The following POU3F4 variants were observed in gnomAD, a reference collection of about 807,000 sequenced individuals.
POU3F4 encodes POU class 3 homeobox 4, also known as POU domain, class 3, transcription factor 4.
A neutral mutation model predicts 15.2 loss-of-function variants in POU3F4; 2 were observed. That is an observed-to-expected ratio of 0.13 (90% confidence interval 0.05 to 0.42). The LOEUF (loss-of-function observed/expected upper bound fraction) is 0.42. Ranked by LOEUF, POU3F4 falls within the 10% of genes least tolerant of loss-of-function variation. The probability of loss-of-function intolerance (pLI) is 0.99; values close to 1 mark genes in which losing one functional copy is unlikely to be tolerated. For missense variants in POU3F4, 220 were observed against 297.0 expected (o/e 0.74, Z 1.91); for synonymous variants, 158 against 133.3 (o/e 1.19, Z -1.28).
chrX:83,509,468 C>T lies in POU3F4; in HGVS notation c.*58C>T. On this transcript the variant is annotated 3_prime_UTR_variant, in exon 1 of 1. Transcript: ENST00000644024. ...GGGAGCAGCGCGGATTTCTCTTTCT[C>T]TCTCACTCTCTTCCTTTCATTCTAG... 1 of 1,161,003 alleles carries T rather than the reference C, an allele frequency of 8.6e-7. No homozygotes were observed. The highest frequency in any genetic ancestry group is 1.2e-6 in the Non-Finnish European group (1 of 865,244).
Position 83,509,086 on chromosome X carries a change from G to A in POU3F4, c.762G>A (p.Lys254=), listed in dbSNP as rs767970736. Residue 254 remains lysine (K), a synonymous_variant, in exon 1 of 1, where the codon AAG becomes AAA. Coordinates refer to ENST00000644024, the MANE Select transcript of POU3F4 (RefSeq NM_000307.5). ...GCAAGCTGAAGCCCCTGCTGAACAA[G>A]TGGCTGGAGGAGGCGGATTCGTCCA... ...NMCKLKPLLN[K]WLEEADSSTG... 1 of 1,212,082 alleles carries A rather than the reference G, an allele frequency of 8.3e-7. No homozygotes were observed. The highest frequency in any genetic ancestry group is 3.0e-5 in the East Asian group (1 of 33,823).
Position 83,509,263 on chromosome X carries a change from C to T in POU3F4, c.939C>T (p.Asp313=), listed in dbSNP as rs1287742985. ...CGCAGGAGATCTCCTCGCTGGCAGA[C>T]AGCCTCCAGTTGGAGAAGGAAGTGG... ...PAAQEISSLA[D]SLQLEKEVVR... is the part of the protein sequence containing the mutation. The change falls in exon 1 of 1, where the codon GAC becomes GAT. Residue 313 remains aspartate (D), a synonymous_variant. Transcript: ENST00000644024. The T allele has an allele frequency of 5.8e-6, 7 of 1,210,623 alleles. No homozygotes were observed. The highest frequency in any genetic ancestry group is 7.8e-6 in the Non-Finnish European group (7 of 895,283).
Position 83,508,795 on chromosome X carries a change from C to T in POU3F4, c.471C>T (p.Ala157=), listed in dbSNP as rs1925839839. ...GACTCACCCCACCTCCAGCTGCCGC[C>T]TCTGCACAGAGCCTGCACCCGGTGC... ...HGGLTPPPAA[A]SAQSLHPVLR... Residue 157 remains alanine (A), a synonymous_variant, in exon 1 of 1, where the codon GCC becomes GCT. Transcript: ENST00000644024. 5.8e-6 allele frequency: 7 copies of T among 1,204,835 alleles called. No homozygotes were observed. The highest frequency in any genetic ancestry group is 1.8e-5 in the South Asian group (1 of 55,955).
In POU3F4 at chrX:83,508,342, G is replaced by C. The variant is rs750598848; in HGVS notation, c.18G>C (p.Ser6=). 1 of 1,212,108 alleles carries C rather than the reference G, an allele frequency of 8.3e-7. No individual in the cohort carries two copies. Among genetic ancestry groups the C allele is most frequent in the Non-Finnish European group, 1.1e-6 (1 of 895,569 alleles). Residue 6 remains serine (S), a synonymous_variant, in exon 1 of 1, where the codon TCG becomes TCC. Transcript: ENST00000644024. MATAA[S]NPYSILSSTS... ...CACCGACCATGGCCACAGCTGCCTC[G>C]AATCCCTACAGCATTCTCAGTTCCA...
At position 83,508,392 on chromosome X, in the gene POU3F4, C is replaced by T. The variant is rs779536644; in HGVS notation, c.68C>T (p.Ala23Val). ...SSTSLVHADS[A>V]GMQQGSPFRN... is the part of the protein sequence containing the mutation. ...ACCTCCCTAGTCCATGCGGACTCTGCGGGCATGCAGCAGGGGAGTCCTTTC... is the reference window on the plus strand; with the variant it reads ...ACCTCCCTAGTCCATGCGGACTCTGTGGGCATGCAGCAGGGGAGTCCTTTC... Residue 23 changes from alanine (A) to valine (V), a missense_variant, in exon 1 of 1, where the codon GCG becomes GTG. Ala to Val is a moderately conservative substitution (Grantham distance 64, BLOSUM62 0). Transcript: ENST00000644024. 4 of 1,211,907 alleles carry T rather than the reference C, an allele frequency of 3.3e-6. No individual in the cohort carries two copies. The highest frequency in any genetic ancestry group is 3.0e-5 in the East Asian group (1 of 33,838).
rs769666063 is a variant in POU3F4, at chrX:83,509,194, G to A, written c.870G>A (p.Lys290=). The change falls in exon 1 of 1, where the codon AAG becomes AAA. Residue 290 remains lysine (K), a synonymous_variant. Coordinates refer to ENST00000644024, the MANE Select transcript of POU3F4 (RefSeq NM_000307.5). ...GGACCTCCATCGAGGTGAGTGTCAAGGGCGTACTGGAGACGCATTTCCTCA... is the reference window on the plus strand; with the variant it reads ...GGACCTCCATCGAGGTGAGTGTCAAAGGCGTACTGGAGACGCATTTCCTCA... ...KKRTSIEVSV[K]GVLETHFLKC... is the part of the protein sequence containing the mutation. 1.7e-6 allele frequency: 2 copies of A among 1,210,218 alleles called. No homozygotes were observed. Among genetic ancestry groups the A allele is most frequent in the African/African-American group, 3.5e-5 (2 of 57,349 alleles).
At position 83,509,551 on chromosome X, in the gene POU3F4, T is replaced by C. The variant is rs368408951; in HGVS notation, c.*141T>C. ...GCTCGCTCTCTCGTACTCTCTCTCT[T>C]TTCCCTCCTTTCCTTTTTCTTTCCT... On this transcript the variant is annotated 3_prime_UTR_variant, in exon 1 of 1. Transcript: ENST00000644024. 5.5e-4 allele frequency: 456 copies of C among 824,046 alleles called. 6 individuals are homozygous for C. In the South Asian group the frequency reaches 0.012, roughly 22 times the overall value. The allele number at this position is 824,046 out of a possible 1,213,427, so 67.9% of individuals were successfully genotyped here.
Position 83,509,434 on chromosome X carries a change from G to T in POU3F4, c.*24G>T. ...GACTGGAGGAAGCGAGGAGGCGGCC[G>T]GCCGCACTGGGAGCAGCGCGGATTT... On this transcript the variant is annotated 3_prime_UTR_variant, in exon 1 of 1. Coordinates refer to ENST00000644024, the MANE Select transcript of POU3F4 (RefSeq NM_000307.5). 8.4e-7 allele frequency: 1 copy of T among 1,184,962 alleles called. No individual in the cohort carries two copies. The highest frequency in any genetic ancestry group is 1.1e-6 in the Non-Finnish European group (1 of 881,552).
At position 83,509,224 on chromosome X, in the gene POU3F4, T is replaced by C. The variant is rs772596392; in HGVS notation, c.900T>C (p.Cys300=). Residue 300 remains cysteine, a synonymous_variant, in exon 1 of 1, where the codon TGT becomes TGC. Coordinates refer to ENST00000644024, the MANE Select transcript of POU3F4 (RefSeq NM_000307.5). Reference sequence around the variant, plus strand: ...TACTGGAGACGCATTTCCTCAAGTGTCCCAAGCCTGCCGCGCAGGAGATCT... The same window carrying C: ...TACTGGAGACGCATTTCCTCAAGTGCCCCAAGCCTGCCGCGCAGGAGATCT... ...KGVLETHFLK[C]PKPAAQEISS... is the part of the protein sequence containing the mutation. 1 of 1,211,290 alleles carries C rather than the reference T, an allele frequency of 8.3e-7. No individual in the cohort carries two copies. The highest frequency in any genetic ancestry group is 1.8e-5 in the South Asian group (1 of 56,853).
rs1925913051 is a variant in POU3F4, at chrX:83,511,514, C to T, written c.*2104C>T. Reference sequence around the variant, plus strand: ...TGCGTTAGTATGAGTTGCCAGGCCTCTGGTCCACCACACTGTGTCTCCCTC... The same window carrying T: ...TGCGTTAGTATGAGTTGCCAGGCCTTTGGTCCACCACACTGTGTCTCCCTC... On this transcript the variant is annotated 3_prime_UTR_variant, in exon 1 of 1. Coordinates refer to ENST00000644024, the MANE Select transcript of POU3F4 (RefSeq NM_000307.5). 1.8e-5 allele frequency: 2 copies of T among 112,865 alleles called. No individual in the cohort carries two copies. Among genetic ancestry groups the T allele is most frequent in the Admixed American group, 1.9e-4 (2 of 10,717 alleles). The allele number at this position is 112,865 out of a possible 1,213,427, so 9.3% of individuals were successfully genotyped here. A position where few individuals can be genotyped will look rare whatever the true frequency, so the allele number is the denominator to read the frequency against.
chrX:83,511,746 G>A lies in POU3F4; in HGVS notation c.*2336G>A, dbSNP rs1187071782. 1 of 111,720 alleles carries A rather than the reference G, an allele frequency of 9.0e-6. No homozygotes were observed. Among genetic ancestry groups the A allele is most frequent in the East Asian group, 2.8e-4 (1 of 3,580 alleles). The allele number at this position is 111,720 out of a possible 1,213,427, so 9.2% of individuals were successfully genotyped here. A position where few individuals can be genotyped will look rare whatever the true frequency, so the allele number is the denominator to read the frequency against. ...CAGTTAATTGCTATGGTTCGAACCTGAGTTAACCCAAATATTTCTGCCGAC... is the reference window on the plus strand; with the variant it reads ...CAGTTAATTGCTATGGTTCGAACCTAAGTTAACCCAAATATTTCTGCCGAC... On this transcript the variant is annotated 3_prime_UTR_variant, in exon 1 of 1. Transcript: ENST00000644024.
Position 83,511,922 on chromosome X carries a change from T to C in POU3F4, c.*2512T>C, listed in dbSNP as rs764742298. ...CAACTATTTTATTCAAATTGCCTAT[T>C]GCAGTTGCCAACAATTATTTATTTT... On this transcript the variant is annotated 3_prime_UTR_variant, in exon 1 of 1. Coordinates refer to ENST00000644024, the MANE Select transcript of POU3F4 (RefSeq NM_000307.5). The C allele has an allele frequency of 8.9e-6, 1 of 112,720 alleles. No homozygotes were observed. Among genetic ancestry groups the C allele is most frequent in the South Asian group, 3.6e-4 (1 of 2,745 alleles). The allele number at this position is 112,720 out of a possible 1,213,427, so 9.3% of individuals were successfully genotyped here. A position where few individuals can be genotyped will look rare whatever the true frequency, so the allele number is the denominator to read the frequency against.
Position 83,509,983 on chromosome X carries a change from G to A in POU3F4, c.*573G>A, listed in dbSNP as rs1194479014. On this transcript the variant is annotated 3_prime_UTR_variant, in exon 1 of 1. Transcript: ENST00000644024. ...CGGGGTGGGGCGGGGGAGGGATTGG[G>A]AAGACAGATGTGTGCCTCTGAATAA... 1.8e-5 allele frequency: 2 copies of A among 111,710 alleles called. No individual in the cohort carries two copies. Among genetic ancestry groups the A allele is most frequent in the African/African-American group, 6.6e-5 (2 of 30,524 alleles). The allele number at this position is 111,710 out of a possible 1,213,427, so 9.2% of individuals were successfully genotyped here.
rs1602642147 is a variant in POU3F4, at chrX:83,509,509, T to C, written c.*99T>C. The C allele has an allele frequency of 2.7e-6, 3 of 1,101,307 alleles. No individual in the cohort carries two copies. Among genetic ancestry groups the C allele is most frequent in the South Asian group, 4.0e-5 (2 of 49,940 alleles). 90.8% of individuals were successfully genotyped at this position (1,101,307 alleles called of 1,213,427 possible). On this transcript the variant is annotated 3_prime_UTR_variant, in exon 1 of 1. Transcript: ENST00000644024. Reference sequence around the variant, plus strand: ...TTCATTCTAGTATTCTTTATTATTTTTCTCTCTCTCTCGTTCGCTCGCTCT... The same window carrying C: ...TTCATTCTAGTATTCTTTATTATTTCTCTCTCTCTCTCGTTCGCTCGCTCT...
In POU3F4 at chrX:83,508,311, G is replaced by T. The variant is rs751307224; in HGVS notation, c.-14G>T. The stretch of plus-strand genomic sequence containing the variant: ...CTTTGCCACATTATAACTAGTAGGG[G>T]ATCCTCACCGACCATGGCCACAGCT... On this transcript the variant is annotated 5_prime_UTR_variant, in exon 1 of 1. Transcript: ENST00000644024. 5.0e-6 allele frequency: 6 copies of T among 1,210,453 alleles called. No homozygotes were observed. The highest frequency in any genetic ancestry group is 6.7e-6 in the Non-Finnish European group (6 of 895,361).
In POU3F4 at chrX:83,509,618, T is replaced by G; in HGVS notation, c.*208T>G. On this transcript the variant is annotated 3_prime_UTR_variant, in exon 1 of 1. Coordinates refer to ENST00000644024, the MANE Select transcript of POU3F4 (RefSeq NM_000307.5). ...CCTTCTTTTTCCCTTTCCTTTCCTT[T>G]CATTTTCTTTCCTTTCCCCTTCCCT... 1.9e-6 allele frequency: 1 copy of G among 514,403 alleles called. No homozygotes were observed. Among genetic ancestry groups the G allele is most frequent in the Non-Finnish European group, 3.1e-6 (1 of 321,228 alleles). The allele number at this position is 514,403 out of a possible 1,213,427, so 42.4% of individuals were successfully genotyped here.
Position 83,509,371 on chromosome X carries a change from G to A in POU3F4, c.1047G>A (p.Ser349=), listed in dbSNP as rs1373675392. The A allele has an allele frequency of 1.7e-6, 2 of 1,204,819 alleles. No homozygotes were observed. Among genetic ancestry groups the A allele is most frequent in the Non-Finnish European group, 2.2e-6 (2 of 892,239 alleles). Reference sequence around the variant, plus strand: ...ATCAGCAGCCGCATGAGGTTTATTCGCACACCGTGAAAACAGACACATCTT... The same window carrying A: ...ATCAGCAGCCGCATGAGGTTTATTCACACACCGTGAAAACAGACACATCTT... ...PGDQQPHEVY[S]HTVKTDTSCH... Residue 349 remains serine (S), a synonymous_variant, in exon 1 of 1, where the codon TCG becomes TCA. Transcript: ENST00000644024.
chrX:83,508,547 C>G lies in POU3F4; in HGVS notation c.223C>G (p.Pro75Ala). 8.3e-7 allele frequency: 1 copy of G among 1,204,805 alleles called. No homozygotes were observed. The highest frequency in any genetic ancestry group is 1.1e-6 in the Non-Finnish European group (1 of 891,950). ...GPWSSTLATS[P>A]LDQQDVKPGR... ...ATGGTCCTCCACACTGGCCACCAGC[C>G]CCCTGGACCAGCAGGACGTGAAGCC... The change falls in exon 1 of 1, where the codon CCC becomes GCC. Residue 75 changes from proline to alanine, a missense_variant. Coordinates refer to ENST00000644024, the MANE Select transcript of POU3F4 (RefSeq NM_000307.5).
rs1925847288 is a variant in POU3F4 at position 83,509,111 on chromosome X, A to T, written c.787A>T (p.Thr263Ser). The change falls in exon 1 of 1, where the codon ACA becomes TCA. Residue 263 changes from threonine to serine, a missense_variant. By Grantham distance (58) the Thr-to-Ser change is moderately conservative. Coordinates refer to ENST00000644024, the MANE Select transcript of POU3F4 (RefSeq NM_000307.5). ...NKWLEEADSS[T>S]GSPTSIDKIA... is the part of the protein sequence containing the mutation. ...GTGGCTGGAGGAGGCGGATTCGTCC[A>T]CAGGGAGCCCGACCAGCATTGACAA... The T allele has an allele frequency of 8.3e-7, 1 of 1,210,225 alleles. No homozygotes were observed. The highest frequency in any genetic ancestry group is 1.7e-5 in the African/African-American group (1 of 57,196).
Sources: allele counts gnomAD v4.1 joint callset, GRCh38; gene constraint gnomAD v4.1.1; transcripts MANE v1.5; gene names NCBI Gene and HGNC (gene_info 2026-07-23, HGNC 2026-07-21).